The following NRG1 variants were observed in gnomAD, a reference collection of about 807,000 sequenced individuals.
NRG1 encodes the protein pro-neuregulin-1, membrane-bound isoform.
NRG1 carries 18 observed loss-of-function variants against 63.8 expected under a neutral mutation model. That is an observed-to-expected ratio of 0.28 (90% confidence interval 0.19 to 0.42). The LOEUF (loss-of-function observed/expected upper bound fraction) is 0.42, where lower values mean the gene tolerates loss of function less well. Ranked by LOEUF, NRG1 falls within the 10% of genes least tolerant of loss-of-function variation. The pLI is 1.00. For missense variants in NRG1, 762 were observed against 814.7 expected, an observed-to-expected ratio of 0.94 and a Z score of 0.79; for synonymous variants, 302 against 301.3, an observed-to-expected ratio of 1.00 and a Z score of -0.02.
intron 1 of NRG1, among the ~76,000 whole-genome samples, chr8:31,912,566 CTT>C (rs3052846): frequency 0.085 from 8,967 of 105,344 alleles, 348 homozygotes; most frequent in African/African-American, 0.15. Context: ...TTTAGAAATG[CTT>C]TTTTTTTTTT....
chr8:32,568,985 G>A (rs1372766534), intron 1 of NRG1, among the ~76,000 whole-genome samples: 3 of 151,074 alleles, frequency 2.0e-5, no homozygotes, highest in Admixed American at 6.6e-5. Flanking sequence ...AAGTTTTTCA[G>A]ACTACCCTGT....
intron 1 of NRG1, among the ~76,000 whole-genome samples, chr8:32,146,433 C>T (rs868794302): frequency 1.1e-4 from 17 of 152,232 alleles, no homozygotes; most frequent in South Asian, 1.0e-3. Context: ...GGTTTCATCT[C>T]CTGGATCTTC....
intron 1 of NRG1, among the ~76,000 whole-genome samples, chr8:32,561,096 A>G (rs1036946528): frequency 2.6e-5 from 4 of 152,214 alleles, no homozygotes; most frequent in Non-Finnish European, 5.9e-5. Context: ...ACCACAAGGT[A>G]CAAACAACAA....
At chr8:31,980,176 A>G (rs1190755196) in intron 1 of NRG1, among the ~76,000 whole-genome samples, 1 of 152,050 alleles carries the variant, frequency 6.6e-6, no homozygotes, top group Non-Finnish European at 1.5e-5. Context: ...CTTAGTTAAC[A>G]GCTTTAATGA....
chr8:32,088,797 C>A (rs966477926), intron 1 of NRG1, among the ~76,000 whole-genome samples: 4 of 152,036 alleles, frequency 2.6e-5, no homozygotes, highest in African/African-American at 9.7e-5. Flanking sequence ...GGATTACAGG[C>A]GTGAGCCACT....
At chr8:32,502,397 TG>T (rs36094924) in intron 1 of NRG1, among the ~76,000 whole-genome samples, 1 of 150,436 alleles carries the variant, frequency 6.6e-6, no homozygotes, top group East Asian at 2.0e-4. Context: ...CCTCCAACAC[TG>T]GGGATTACAT....
rs1847771463 is a variant in NRG1 at position 32,618,472 on chromosome 8, A to T, written c.502+1587A>T. ...CTCAGTTTATGTTTCTATTCATTGC[A>T]TTATCACTGAGAGAGAAATAATTAT... On this transcript the variant is annotated intron_variant, in intron 5 of 11. Coordinates refer to ENST00000356819, the Ensembl canonical transcript of NRG1. Among the ~76,000 whole-genome samples the T allele has an allele frequency of 3.3e-5, 5 of 152,304 alleles. No homozygotes were observed. In the South Asian group the frequency reaches 1.0e-3, roughly 32 times the overall value.
At chr8:32,069,711 G>A (rs192425376) in intron 1 of NRG1, among the ~76,000 whole-genome samples, 2 of 152,108 alleles carry the variant, frequency 1.3e-5, no homozygotes, top group African/African-American at 4.8e-5. Flanking sequence ...GAACCCAAGG[G>A]TGCAGAAACC....
intron 1 of NRG1, among the ~76,000 whole-genome samples, chr8:31,792,789 C>G (rs1253697386): frequency 6.6e-6 from 1 of 152,172 alleles, no homozygotes; most frequent in African/African-American, 2.4e-5. Context: ...GCCACATGTT[C>G]ACAGTGAGGC....
At chr8:32,256,120 C>A (rs1849675062) in intron 1 of NRG1, among the ~76,000 whole-genome samples, 1 of 151,944 alleles carries the variant, frequency 6.6e-6, no homozygotes, top group African/African-American at 2.4e-5. Flanking sequence ...AACCTTTTTT[C>A]AAGTTTCTTA....
chr8:32,587,544 T>C (rs1271388925), intron 1 of NRG1, among the ~76,000 whole-genome samples: 1 of 152,154 alleles, frequency 6.6e-6, no homozygotes, highest in African/African-American at 2.4e-5. Context: ...ACACAAACAA[T>C]GTCACAGGGC....
At chr8:31,711,493 C>G (rs921594532) in intron 1 of NRG1, among the ~76,000 whole-genome samples, 17 of 152,098 alleles carry the variant, frequency 1.1e-4, no homozygotes, top group Non-Finnish European at 1.3e-4. Flanking sequence ...TCTTTCTTTA[C>G]CATTTGAAGT....
chr8:32,749,124 A>C (rs1252854300), intron 7 of NRG1: 1 of 159,034 alleles, frequency 6.3e-6, no homozygotes, highest in Non-Finnish European at 1.4e-5. Context: ...TCTTTGGGTA[A>C]AAATTAATTA....
chr8:32,167,997 G>A (rs1839580094), intron 1 of NRG1, among the ~76,000 whole-genome samples: 2 of 152,156 alleles, frequency 1.3e-5, no homozygotes, highest in African/African-American at 4.8e-5. Flanking sequence ...TACTTTGGGA[G>A]TTCTCTTTAT....
chr8:32,753,758 G>A (rs1332202493), intron 7 of NRG1, among the ~76,000 whole-genome samples: 1 of 152,134 alleles, frequency 6.6e-6, no homozygotes, highest in Non-Finnish European at 1.5e-5. Context: ...CAATTTACTA[G>A]TTAACTACAA....
chr8:32,515,154 G>T (rs1173116788), intron 1 of NRG1, among the ~76,000 whole-genome samples: 2 of 152,096 alleles, frequency 1.3e-5, no homozygotes, highest in Non-Finnish European at 2.9e-5. Flanking sequence ...GAATTGCTGT[G>T]TTGAATAGTA....
At chr8:32,151,150 A>T (rs952477166) in intron 1 of NRG1, among the ~76,000 whole-genome samples, 2 of 152,164 alleles carry the variant, frequency 1.3e-5, no homozygotes, top group Non-Finnish European at 1.5e-5. Context: ...GGGGCACCGG[A>T]TTCATGTACC....
At chr8:32,054,863 C>CTTT (rs543522972) in intron 1 of NRG1, among the ~76,000 whole-genome samples, 54 of 63,990 alleles carry the variant, frequency 8.4e-4, no homozygotes, top group African/African-American at 3.0e-3. Context: ...TTCTTTCTTT[C>CTTT]TTTTTTTTTT....
chr8:32,750,981 C>T (rs913808922), intron 7 of NRG1: 1 of 152,146 alleles, frequency 6.6e-6, no homozygotes, highest in Non-Finnish European at 1.5e-5. Flanking sequence ...TTACCCCAAA[C>T]CCTTCTATCC....
Sources: gnomAD v4.1 joint callset for allele counts (sites outside exome capture counted in the v4.1 genomes callset) on GRCh38, gnomAD v4.1.1 for gene constraint, MANE v1.5 for transcripts, NCBI Gene and HGNC (gene_info 2026-07-23, HGNC 2026-07-21) for gene names.